The following PTPRN2 variants were observed in gnomAD, a reference collection of about 807,000 sequenced individuals.
The protein encoded by PTPRN2 is receptor-type tyrosine-protein phosphatase N2.
In PTPRN2, 74 loss-of-function variants were observed where a neutral mutation model predicts 118.8. The ratio of observed to expected loss-of-function variants is 0.62; its 90% CI spans 0.52 to 0.76. The LOEUF (loss-of-function observed/expected upper bound fraction) is 0.76, where lower values mean the gene tolerates loss of function less well. Ranked by LOEUF, PTPRN2 falls within the 30% of genes least tolerant of loss-of-function variation. The pLI is 0.00. For synonymous variants in PTPRN2, 641 were observed against 608.0 expected, an observed-to-expected ratio of 1.05 and a Z score of -0.80; for missense variants, 1,481 against 1,394.4, an observed-to-expected ratio of 1.06 and a Z score of -0.99.
chr7:157,731,873 T>C lies in PTPRN2; in HGVS notation c.1789-48936A>G, dbSNP rs201713416. ...CATGCGCCCAGCACAGTTACTCTTTTCCGCCCCATGCGCCCAGCACAGTTA... is the reference window on the plus strand; with the variant it reads ...CATGCGCCCAGCACAGTTACTCTTTCCCGCCCCATGCGCCCAGCACAGTTA... On this transcript the variant is annotated intron_variant, in intron 12 of 22. Transcript: ENST00000389418. Among the ~76,000 whole-genome samples, 81 of 25,634 alleles carry C rather than the reference T, an allele frequency of 3.2e-3. 2 individuals are homozygous for C. Among genetic ancestry groups the C allele is most frequent in the East Asian group, 7.2e-3 (4 of 556 alleles). The allele number at this position is 25,634 out of a possible 152,430, so 16.8% of individuals were successfully genotyped here.
chr7:158,360,060 G>T (rs1246045896), intron 2 of PTPRN2, among the ~76,000 whole-genome samples: 4 of 135,660 alleles, frequency 2.9e-5, no homozygotes, highest in Admixed American at 7.2e-5. Context: ...CACCCAGGAC[G>T]ACGCACAGAC....
intron 12 of PTPRN2, chr7:157,866,110 T>A (rs536735220): frequency 1.3e-5 from 2 of 152,362 alleles, no homozygotes; most frequent in African/African-American, 2.4e-5. Flanking sequence ...CAAATGCACC[T>A]TTGTGGTTTC....
intron 2 of PTPRN2, among the ~76,000 whole-genome samples, chr7:158,396,688 GCA>G (rs1812540455): frequency 1.3e-5 from 2 of 152,156 alleles, no homozygotes; most frequent in Admixed American, 6.5e-5. Context: ...ACGTGTGTGT[GCA>G]TGTTTGTGTG....
At chr7:158,399,361 A>G (rs1812770062) in intron 2 of PTPRN2, among the ~76,000 whole-genome samples, 1 of 152,200 alleles carries the variant, frequency 6.6e-6, no homozygotes, top group South Asian at 2.1e-4. Context: ...ATAAGAAACA[A>G]TTGTAGTTGG....
chr7:158,432,440 G>C (rs1320956782), intron 2 of PTPRN2, among the ~76,000 whole-genome samples: 2 of 152,194 alleles, frequency 1.3e-5, no homozygotes, highest in East Asian at 3.8e-4. Flanking sequence ...TGTCGTCTTG[G>C]AACAGTGTTC....
In PTPRN2 at chr7:157,676,319, A is replaced by G. The variant is rs1796666147; in HGVS notation, c.2001+6406T>C. Among the ~76,000 whole-genome samples, 1 of 152,100 alleles carries G rather than the reference A, an allele frequency of 6.6e-6. No individual in the cohort carries two copies. The highest frequency in any genetic ancestry group is 6.6e-5 in the Admixed American group (1 of 15,254). On this transcript the variant is annotated intron_variant, in intron 13 of 22. Transcript: ENST00000389418. The surrounding 1 kb of genome is among the most constrained non-coding windows in gnomAD (Gnocchi z 5.6). ...CGCCTCCATCTCCCGCCAGCCGCCA[A>G]GAGCTCCACCCACCACCTGGCCCAG...
intron 6 of PTPRN2, among the ~76,000 whole-genome samples, chr7:158,156,079 G>A (rs950491032): frequency 6.6e-6 from 1 of 152,170 alleles, no homozygotes; most frequent in Non-Finnish European, 1.5e-5. Flanking sequence ...GAGGGGGTAA[G>A]GAATCACAGC....
Position 158,015,721 on chromosome 7 carries a change from A to G in PTPRN2, c.1723+65577T>C, listed in dbSNP as rs759400883. Among the ~76,000 whole-genome samples the G allele has an allele frequency of 6.6e-6, 1 of 152,246 alleles. No individual in the cohort carries two copies. ...ATTTTCTGCAATTAAGCAACCAGCT[A>G]TTATTAGGAGTTCAAAACAAATCAC... is the stretch of plus-strand genomic sequence containing the variant. On this transcript the variant is annotated intron_variant, in intron 11 of 22. Transcript: ENST00000389418. This position sits in a 1 kb window ranked among gnomAD's most constrained non-coding sequence, Gnocchi z 4.2.
At chr7:158,473,303 C>A (rs916389300) in intron 2 of PTPRN2, among the ~76,000 whole-genome samples, 1 of 152,214 alleles carries the variant, frequency 6.6e-6, no homozygotes, top group African/African-American at 2.4e-5. Flanking sequence ...GAAAGAGCAG[C>A]TGTAAACATA....
At chr7:157,935,762 G>A (rs765417290) in intron 11 of PTPRN2, among the ~76,000 whole-genome samples, 12 of 152,164 alleles carry the variant, frequency 7.9e-5, no homozygotes, top group Non-Finnish European at 1.5e-4. Context: ...CTCCCTGGGA[G>A]GCATCGGCAT....
intron 5 of PTPRN2, among the ~76,000 whole-genome samples, chr7:158,178,726 T>C (rs1393097333): frequency 6.6e-6 from 1 of 151,664 alleles, no homozygotes; most frequent in Non-Finnish European, 1.5e-5. Flanking sequence ...GCCTCCCAAG[T>C]AGCTGGGACT....
intron 3 of PTPRN2, among the ~76,000 whole-genome samples, chr7:158,259,847 TCCA>T: frequency 1.3e-5 from 2 of 150,760 alleles, no homozygotes; most frequent in African/African-American, 4.9e-5. Flanking sequence ...TGTTTGTGTG[TCCA>T]TGTGTCCCTG....
intron 2 of PTPRN2, among the ~76,000 whole-genome samples, chr7:158,332,285 GA>G (rs1804631633): frequency 2.0e-5 from 3 of 147,260 alleles, no homozygotes; most frequent in African/African-American, 5.4e-5. Context: ...GATAAGAGGT[GA>G]CATCTGCAGA....
At chr7:158,166,188 A>G in intron 6 of PTPRN2, among the ~76,000 whole-genome samples, 1 of 152,238 alleles carries the variant, frequency 6.6e-6, no homozygotes, top group East Asian at 1.9e-4. Context: ...AATCTGGGGA[A>G]GGGATGAACA....
chr7:158,252,463 G>A (rs962061152), intron 3 of PTPRN2, among the ~76,000 whole-genome samples: 1 of 152,146 alleles, frequency 6.6e-6, no homozygotes, highest in South Asian at 2.1e-4. Context: ...TAGTGTGTGG[G>A]TTGGTGAGCA....
At chr7:157,621,595 C>T in intron 14 of PTPRN2, 86 bp from the exon 15 acceptor site, 1 of 1,542,178 alleles carries the variant, frequency 6.5e-7, no homozygotes, top group Non-Finnish European at 8.8e-7. Context: ...GGCCTTTGCA[C>T]TCGCCGCGTG....
intron 6 of PTPRN2, among the ~76,000 whole-genome samples, chr7:158,150,889 A>C (rs1339052075): frequency 2.0e-5 from 3 of 151,932 alleles, no homozygotes; most frequent in Admixed American, 6.6e-5. Flanking sequence ...TGGTGGAATT[A>C]TCCTACTGGT....
chr7:157,947,279 G>A (rs541720903), intron 11 of PTPRN2, among the ~76,000 whole-genome samples: 21 of 152,190 alleles, frequency 1.4e-4, no homozygotes, highest in Admixed American at 3.3e-4. Context: ...CAAGTAAGCT[G>A]ACAAAAATGG....
At chr7:158,558,456 G>T (rs753252130) in intron 1 of PTPRN2, among the ~76,000 whole-genome samples, 1 of 151,836 alleles carries the variant, frequency 6.6e-6, no homozygotes, top group Non-Finnish European at 1.5e-5. Flanking sequence ...CTGGGGTGCT[G>T]CCCCAGGGGG....
Sources: allele counts gnomAD v4.1 joint callset (sites outside exome capture counted in the v4.1 genomes callset), GRCh38; gene constraint gnomAD v4.1.1; non-coding constraint Gnocchi (gnomAD v3.1); transcripts MANE v1.5; gene names NCBI Gene and HGNC (gene_info 2026-07-23, HGNC 2026-07-21).